ABR: variants seen among roughly 807,000 people sequenced by gnomAD.
ABR encodes the protein active breakpoint cluster region-related protein.
In ABR, 35 loss-of-function variants were observed where a neutral mutation model predicts 107.2. The observed-to-expected ratio is 0.33, with a 90% CI of 0.25 to 0.43. ABR has a LOEUF of 0.43. Among genes scored for constraint, ABR ranks in the 20% least tolerant of loss-of-function variants. The pLI is 1.00. For synonymous variants in ABR, 498 were observed against 462.0 expected, an observed-to-expected ratio of 1.08 and a Z score of -1.00; for missense variants, 815 against 1,115.2, an observed-to-expected ratio of 0.73 and a Z score of 3.83.
chr17:1,193,974 G>C (rs545622834), intron 1 of ABR, among the ~76,000 whole-genome samples: 1 of 152,106 alleles, frequency 6.6e-6, no homozygotes, highest in Non-Finnish European at 1.5e-5. Context: ...GATAACAGGC[G>C]TGAGCCCCGC....
intron 3 of ABR, among the ~76,000 whole-genome samples, chr17:1,099,944 A>G (rs576037684): frequency 7.5e-4 from 114 of 152,258 alleles, no homozygotes; most frequent in African/African-American, 2.7e-3. Context: ...CCTGGCCAAC[A>G]TGATAAAATC....
At chr17:1,100,907 T>G in intron 2 of ABR, 172 bp from the exon 3 acceptor site, 1 of 627,918 alleles carries the variant, frequency 1.6e-6, no homozygotes, top group Non-Finnish European at 2.8e-6. Flanking sequence ...CACTGCAACC[T>G]CCGCCTCCCG....
intron 2 of ABR, among the ~76,000 whole-genome samples, chr17:1,118,250 C>A (rs1247639252): frequency 4.1e-4 from 38 of 92,584 alleles, no homozygotes; most frequent in Non-Finnish European, 7.2e-4. Flanking sequence ...AGCCTGAGTT[C>A]CTCCCAGCGT....
upstream of ABR, among the ~76,000 whole-genome samples, chr17:1,187,920 A>T (rs2042345816): frequency 6.6e-6 from 1 of 150,548 alleles, no homozygotes; most frequent in Admixed American, 6.7e-5. Context: ...AATAAATAAA[A>T]TATTATCAAA....
intron 7 of ABR, 52 bp downstream of exon 7, chr17:1,073,573 C>T (rs926100983): frequency 7.1e-7 from 1 of 1,404,294 alleles, no homozygotes; most frequent in African/African-American, 1.4e-5. Context: ...CAGGCTCAGT[C>T]TTCCACTGAA....
intron 2 of ABR, among the ~76,000 whole-genome samples, chr17:1,103,231 A>G (rs1597820302): frequency 6.6e-6 from 1 of 152,034 alleles, no homozygotes; most frequent in African/African-American, 2.4e-5. Flanking sequence ...AGGTGTTATC[A>G]TCTTCCTGAG....
chr17:1,139,321 G>A (rs1249147205), intron 1 of ABR, among the ~76,000 whole-genome samples: 1 of 152,008 alleles, frequency 6.6e-6, no homozygotes, highest in Non-Finnish European at 1.5e-5. Context: ...GCGCCATCTC[G>A]GCTCACTGCA....
At chr17:1,156,520 C>T (rs2041049637) in intron 1 of ABR, among the ~76,000 whole-genome samples, 1 of 152,074 alleles carries the variant, frequency 6.6e-6, no homozygotes, top group Admixed American at 6.5e-5. Flanking sequence ...CTCGTCTCTA[C>T]TAAAAATACA....
At chr17:1,109,221 A>G in intron 2 of ABR, 1 of 1,038,270 alleles carries the variant, frequency 9.6e-7, no homozygotes, top group African/African-American at 1.7e-5. Context: ...TCCCGGACCT[A>G]GTCCAGCCCG....
intron 1 of ABR, among the ~76,000 whole-genome samples, chr17:1,136,775 C>T (rs1056192937): frequency 3.9e-5 from 6 of 152,190 alleles, no homozygotes; most frequent in Non-Finnish European, 7.3e-5. Flanking sequence ...GATTGGGCTC[C>T]GGCTCAGGGG....
At chr17:1,136,078 A>G (rs2040048703) in intron 1 of ABR, among the ~76,000 whole-genome samples, 1 of 152,098 alleles carries the variant, frequency 6.6e-6, no homozygotes, top group Non-Finnish European at 1.5e-5. Context: ...GGCCCCTAAC[A>G]CTAGAGTCAG....
intron 16 of ABR, among the ~76,000 whole-genome samples, chr17:1,016,392 C>T (rs932185483): frequency 6.6e-6 from 1 of 151,132 alleles, no homozygotes; most frequent in African/African-American, 2.4e-5. Context: ...TCTCGGCTCA[C>T]TGCAAGCTCC....
chr17:1,164,600 A>G (rs2041431609), intron 1 of ABR, among the ~76,000 whole-genome samples: 1 of 152,236 alleles, frequency 6.6e-6, no homozygotes, highest in African/African-American at 2.4e-5. Context: ...CGCCCAGTGA[A>G]CATGAACGTC....
At position 1,073,776 on chromosome 17, in the gene ABR, C is replaced by A. The variant is rs112454275; in HGVS notation, c.701-99G>T. 1.4e-3 allele frequency: 1,551 copies of A among 1,076,938 alleles called. 20 individuals are homozygous for A. In the African/African-American group the frequency reaches 0.021, roughly 15 times the overall value. The allele number at this position is 1,076,938 out of a possible 1,614,324, so 66.7% of individuals were successfully genotyped here. On this transcript the variant is annotated intron_variant, in intron 6 of 22. Coordinates refer to ENST00000302538, the MANE Select transcript of ABR (RefSeq NM_021962.5). Reference sequence around the variant, plus strand: ...CGTCCCCCCACCCGCATGCTTCCCACGTGAACACCCCTCGAGGGACACCAG... The same window carrying A: ...CGTCCCCCCACCCGCATGCTTCCCAAGTGAACACCCCTCGAGGGACACCAG...
intron 2 of ABR, chr17:1,109,097 G>A (rs1052385529): frequency 6.3e-7 from 1 of 1,589,522 alleles, no homozygotes; most frequent in African/African-American, 1.4e-5. Flanking sequence ...AGGGCAGACA[G>A]GAAGCGGGGT....
At chr17:1,108,297 C>A (rs2038396671) in intron 2 of ABR, among the ~76,000 whole-genome samples, 1 of 152,146 alleles carries the variant, frequency 6.6e-6, no homozygotes, top group African/African-American at 2.4e-5. Context: ...CCACTGCCCT[C>A]CAGTTCCACC....
chr17:1,099,136 C>T lies in ABR; in HGVS notation c.345+1501G>A, dbSNP rs150470218. On this transcript the variant is annotated intron_variant, in intron 3 of 22. Coordinates refer to ENST00000302538, the MANE Select transcript of ABR (RefSeq NM_021962.5). ...CGTCGTCCAGTCTGGAGTACAGTGGCGCACTCTCAGCTCACTACGACCTTC... is the reference window on the plus strand; with the variant it reads ...CGTCGTCCAGTCTGGAGTACAGTGGTGCACTCTCAGCTCACTACGACCTTC... Among the ~76,000 whole-genome samples the T allele has an allele frequency of 3.6e-4, 54 of 151,478 alleles. No individual in the cohort carries two copies. In the East Asian group the frequency reaches 7.8e-3, roughly 22 times the overall value.
At chr17:1,190,029 G>C (rs765551340), upstream of ABR, among the ~76,000 whole-genome samples, 6 of 152,216 alleles carry the variant, frequency 3.9e-5, no homozygotes, top group Non-Finnish European at 7.3e-5. Flanking sequence ...TTGAGACGTC[G>C]CGTCGAGAAT....
intron 5 of ABR, among the ~76,000 whole-genome samples, chr17:1,079,788 C>CAAAAAAAAAAAAAAAAAAAAAAAA (rs57412625): frequency 1.3e-4 from 7 of 55,112 alleles, no homozygotes; most frequent in Non-Finnish European, 1.8e-4. Context: ...GACTCTGTCT[C>CAAAAAAAAAAAAAAAAAAAAAAAA]AAAAAAAAAA....
Sources: allele counts gnomAD v4.1 joint callset (sites outside exome capture counted in the v4.1 genomes callset), GRCh38; gene constraint gnomAD v4.1.1; transcripts MANE v1.5; gene names NCBI Gene and HGNC (gene_info 2026-07-23, HGNC 2026-07-21).